CNTN3: variants seen among roughly 807,000 people sequenced by gnomAD.
The protein encoded by CNTN3 is contactin-3.
Under a neutral mutation model 119.1 loss-of-function variants are expected in CNTN3, and 60 were observed. The observed-to-expected ratio is 0.50, with a 90% CI of 0.41 to 0.62. The LOEUF (loss-of-function observed/expected upper bound fraction) is 0.62, where lower values mean the gene tolerates loss of function less well. CNTN3 is among the 20% of genes least tolerant of loss of function. The pLI, the probability that CNTN3 is intolerant of heterozygous loss-of-function variation, is 0.00. For synonymous variants in CNTN3, 450 were observed against 438.7 expected, an observed-to-expected ratio of 1.03 and a Z score of -0.32; for missense variants, 1,101 against 1,242.4, an observed-to-expected ratio of 0.89 and a Z score of 1.71.
intron 2 of CNTN3, among the ~76,000 whole-genome samples, chr3:74,500,036 G>A (rs956843087): frequency 3.3e-5 from 5 of 151,982 alleles, no homozygotes; most frequent in African/African-American, 4.8e-5. Flanking sequence ...TCATACCGCA[G>A]CAATTACTTT....
intron 2 of CNTN3, among the ~76,000 whole-genome samples, chr3:74,513,965 A>AC (rs1362834995): frequency 6.6e-6 from 1 of 150,546 alleles, no homozygotes. Flanking sequence ...AATTTTTTTG[A>AC]CTTTTTTTTT....
intron 3 of CNTN3, among the ~76,000 whole-genome samples, chr3:74,498,655 T>C (rs368937544): frequency 6.6e-6 from 1 of 151,846 alleles, no homozygotes; most frequent in Non-Finnish European, 1.5e-5. Flanking sequence ...ATTATTTATA[T>C]AGTTTAAGAG....
intron 11 of CNTN3, among the ~76,000 whole-genome samples, chr3:74,347,138 C>T (rs1024303325): frequency 2.6e-5 from 4 of 152,108 alleles, no homozygotes; most frequent in African/African-American, 4.8e-5. Context: ...AATTCATGCA[C>T]AACAAACATA....
intron 1 of CNTN3, among the ~76,000 whole-genome samples, chr3:74,549,937 A>G (rs1218727092): frequency 6.6e-6 from 1 of 152,214 alleles, no homozygotes; most frequent in Non-Finnish European, 1.5e-5. Flanking sequence ...TACCATTTGA[A>G]AAACAGCTCC....
At position 74,582,783 on chromosome 3, in the gene CNTN3, T is replaced by TGTG. The variant is rs1704534450; in HGVS notation, c.-81+31607_-81+31608insCAC. The stretch of plus-strand genomic sequence containing the variant: ...ACCCATCAAGTGCATGTGTATGCAT[T>TGTG]TGTGTGTGTGTGTGTGTGTGTGTGT... On this transcript the variant is annotated intron_variant, in intron 1 of 22. Coordinates refer to ENST00000263665, the MANE Select transcript of CNTN3 (RefSeq NM_020872.3). 5.7e-4 allele frequency among the ~76,000 whole-genome samples: 82 copies of TGTG among 145,092 alleles called. No individual in the cohort carries two copies. In the East Asian group the frequency reaches 6.9e-3, roughly 12 times the overall value.
At chr3:74,279,727 A>G (rs1701960020) in intron 20 of CNTN3, among the ~76,000 whole-genome samples, 1 of 152,090 alleles carries the variant, frequency 6.6e-6, no homozygotes, top group Non-Finnish European at 1.5e-5. Context: ...AAATCTCACA[A>G]ATCACCACTA....
chr3:74,418,342 C>CTCTTTTTTT (rs1701559887), intron 5 of CNTN3, among the ~76,000 whole-genome samples: 1 of 99,632 alleles, frequency 1.0e-5, no homozygotes, highest in Admixed American at 1.3e-4. Flanking sequence ...AAACATATTC[C>CTCTTTTTTT]TTTTTTTTTT....
chr3:74,512,692 C>CAAAAAAAACAA (rs1703388129), intron 2 of CNTN3, among the ~76,000 whole-genome samples: 1 of 85,260 alleles, frequency 1.2e-5, no homozygotes, highest in Admixed American at 1.8e-4. Flanking sequence ...CATAATCAAG[C>CAAAAAAAACAA]AAAAAAAAAA....
intron 11 of CNTN3, among the ~76,000 whole-genome samples, chr3:74,353,489 G>T (rs958634352): frequency 1.3e-5 from 2 of 152,218 alleles, no homozygotes; most frequent in Non-Finnish European, 2.9e-5. Flanking sequence ...GGGTGCCGTG[G>T]CTCACGCCTG....
intron 11 of CNTN3, among the ~76,000 whole-genome samples, chr3:74,341,248 T>C (rs1703537737): frequency 6.6e-6 from 1 of 152,178 alleles, no homozygotes. Context: ...AATGGAGTAA[T>C]TGTTTCTCAA....
At chr3:74,395,245 C>T (rs1326471660) in intron 5 of CNTN3, among the ~76,000 whole-genome samples, 1 of 152,110 alleles carries the variant, frequency 6.6e-6, no homozygotes, top group East Asian at 1.9e-4. Flanking sequence ...TGTAATCAAA[C>T]CACTCTACCC....
intron 5 of CNTN3, among the ~76,000 whole-genome samples, chr3:74,395,849 A>T (rs1705036238): frequency 6.6e-6 from 1 of 152,120 alleles, no homozygotes; most frequent in Non-Finnish European, 1.5e-5. Context: ...TGTGCTCACT[A>T]CATGTCTCTG....
At chr3:74,301,588 A>C (rs752722220) in intron 15 of CNTN3, 41 bp from the exon 16 acceptor site, 78 of 1,612,132 alleles carry the variant, frequency 4.8e-5, no homozygotes, top group East Asian at 1.8e-4. Context: ...TGCCTGCTTT[A>C]GCATTGACTT....
chr3:74,578,122 T>C (rs1704447619), intron 1 of CNTN3, among the ~76,000 whole-genome samples: 1 of 152,086 alleles, frequency 6.6e-6, no homozygotes, highest in Non-Finnish European at 1.5e-5. Context: ...AAAGCATGAA[T>C]GACTACATAT....
chr3:74,334,083 C>T (rs139063858), intron 13 of CNTN3, among the ~76,000 whole-genome samples: 34 of 152,258 alleles, frequency 2.2e-4, no homozygotes, highest in African/African-American at 7.9e-4. Context: ...CTCAAAGTGA[C>T]AATTTTTCCT....
intron 2 of CNTN3, among the ~76,000 whole-genome samples, chr3:74,515,059 G>A (rs1328203993): frequency 2.0e-5 from 3 of 152,038 alleles, no homozygotes; most frequent in Non-Finnish European, 4.4e-5. Flanking sequence ...AGGGAGTTGG[G>A]TATGTGGGAA....
At chr3:74,423,515 G>A (rs867116755) in intron 5 of CNTN3, among the ~76,000 whole-genome samples, 25 of 152,280 alleles carry the variant, frequency 1.6e-4, no homozygotes, top group African/African-American at 5.5e-4. Context: ...ACCCCGTGGC[G>A]AGGCAGCACG....
At chr3:74,553,454 A>G (rs895685573) in intron 1 of CNTN3, among the ~76,000 whole-genome samples, 2 of 152,166 alleles carry the variant, frequency 1.3e-5, no homozygotes, top group African/African-American at 4.8e-5. Context: ...CATGCCCAGT[A>G]ATGGGATTGC....
chr3:74,492,296 A>G (rs890250249), intron 3 of CNTN3, among the ~76,000 whole-genome samples: 2 of 152,144 alleles, frequency 1.3e-5, no homozygotes, highest in Non-Finnish European at 2.9e-5. Flanking sequence ...GTCTCAGTCA[A>G]TAATCAGAGA....
Sources: allele counts gnomAD v4.1 joint callset (sites outside exome capture counted in the v4.1 genomes callset), GRCh38; gene constraint gnomAD v4.1.1; transcripts MANE v1.5; gene names NCBI Gene and HGNC (gene_info 2026-07-23, HGNC 2026-07-21).